Variants in TMBIM6 observed in about 807,000 individuals in gnomAD.
TMBIM6 encodes transmembrane BAX inhibitor motif containing 6.
Under a neutral mutation model 31.4 loss-of-function variants are expected in TMBIM6, and 13 were observed. The observed-to-expected ratio is 0.41, with a 90% CI of 0.27 to 0.66. The LOEUF (loss-of-function observed/expected upper bound fraction) is 0.66. Ranked by LOEUF, TMBIM6 falls within the 30% of genes least tolerant of loss-of-function variation. TMBIM6 has a pLI of 0.28. For missense variants in TMBIM6, 275 were observed against 289.5 expected, an observed-to-expected ratio of 0.95 and a Z score of 0.36; for synonymous variants, 85 against 101.7, an observed-to-expected ratio of 0.84 and a Z score of 0.99.
At chr12:49,758,360 C>G in intron 5 of TMBIM6, 23 bp from the exon 6 acceptor site, 1 of 1,613,966 alleles carries the variant, frequency 6.2e-7, no homozygotes, top group Non-Finnish European at 8.5e-7. Flanking sequence ...AGCCCTTAAT[C>G]TAATGGTCTT....
At chr12:49,750,772 G>A (rs1592724369) in intron 1 of TMBIM6, 1 of 152,228 alleles carries the variant, frequency 6.6e-6, no homozygotes, top group East Asian at 1.9e-4. Flanking sequence ...CATTGTGATT[G>A]TTTCATTTGT....
intron 1 of TMBIM6, chr12:49,744,319 A>G (rs986618462): frequency 1.3e-5 from 2 of 152,154 alleles, no homozygotes; most frequent in Non-Finnish European, 1.5e-5. Context: ...GAATATTCTG[A>G]TGCTCTAACT....
At position 49,761,707 on chromosome 12, in the gene TMBIM6, C is replaced by T. The variant is rs1342204188; in HGVS notation, c.618C>T (p.His206=). ...AEHGDQDYIW[H]CIDLFLDFIT... ...TAATCTGGTTCTTGCCTTTCAGGCACTGCATTGATCTCTTCTTAGATTTCA... is the reference window on the plus strand; with the variant it reads ...TAATCTGGTTCTTGCCTTTCAGGCATTGCATTGATCTCTTCTTAGATTTCA... Residue 206 remains histidine, a synonymous_variant, in exon 9 of 10, where the codon CAC becomes CAT. Transcript: ENST00000267115. The T allele has an allele frequency of 8.1e-6, 13 of 1,613,952 alleles. No homozygotes were observed. Among genetic ancestry groups the T allele is most frequent in the Non-Finnish European group, 1.0e-5 (12 of 1,179,980 alleles).
intron 3 of TMBIM6, among the ~76,000 whole-genome samples, chr12:49,753,348 C>T (rs774026340): frequency 3.3e-5 from 5 of 152,170 alleles, no homozygotes; most frequent in Non-Finnish European, 7.3e-5. Context: ...ACTGAGTAGG[C>T]GCATGGCATG....
chr12:49,742,237 C>T (rs1945310154), intron 1 of TMBIM6: 1 of 1,612,524 alleles, frequency 6.2e-7, no homozygotes, highest in South Asian at 1.1e-5. Context: ...CTTCCAGGCC[C>T]ACGGGGCGGC....
At chr12:49,742,064 G>T in intron 1 of TMBIM6, 4 of 1,557,030 alleles carry the variant, frequency 2.6e-6, no homozygotes, top group Non-Finnish European at 3.5e-6. Flanking sequence ...GCTGCGGGCG[G>T]GTCCTTTGGT....
intron 4 of TMBIM6, among the ~76,000 whole-genome samples, chr12:49,756,228 C>T (rs956988939): frequency 2.0e-5 from 3 of 152,010 alleles, no homozygotes; most frequent in Non-Finnish European, 4.4e-5. Flanking sequence ...CTCTGCCTTC[C>T]GGGTTCAAGC....
At position 49,761,723 on chromosome 12, in the gene TMBIM6, T is replaced by C. The variant is rs1242840597; in HGVS notation, c.634T>C (p.Leu212=). The C allele has an allele frequency of 1.2e-6, 2 of 1,614,264 alleles. No homozygotes were observed. Among genetic ancestry groups the C allele is most frequent in the Non-Finnish European group, 8.5e-7 (1 of 1,180,040 alleles). ...TTTCAGGCACTGCATTGATCTCTTCTTAGATTTCATTACTGTCTTCAGAAA... is the reference window on the plus strand; with the variant it reads ...TTTCAGGCACTGCATTGATCTCTTCCTAGATTTCATTACTGTCTTCAGAAA... ...DYIWHCIDLF[L]DFITVFRKLM... is the part of the protein sequence containing the mutation. Residue 212 remains leucine, a synonymous_variant, in exon 9 of 10, where the codon TTA becomes CTA. Transcript: ENST00000267115.
chr12:49,752,063 C>T (rs1210213863), intron 1 of TMBIM6, among the ~76,000 whole-genome samples: 1 of 152,144 alleles, frequency 6.6e-6, no homozygotes, highest in African/African-American at 2.4e-5. Context: ...CCACTATGCC[C>T]AGCCAAGGGA....
chr12:49,753,124 A>G, intron 3 of TMBIM6, 43 bp downstream of exon 3: 1 of 1,565,782 alleles, frequency 6.4e-7, no homozygotes, highest in Non-Finnish European at 8.8e-7. Context: ...TACAAATTAC[A>G]TTAGGAAAAA....
Position 49,763,045 on chromosome 12 carries a change from G to A in TMBIM6, c.*149G>A, listed in dbSNP as rs1165908553. The A allele has an allele frequency of 3.3e-6, 3 of 904,078 alleles. No individual in the cohort carries two copies. The African/African-American group carries it at 5.0e-5, about 15-fold the overall frequency. 56.0% of individuals were successfully genotyped at this position (904,078 alleles called of 1,614,324 possible). A position where few individuals can be genotyped will look rare whatever the true frequency, so the allele number is the denominator to read the frequency against. ...TGGTTTCCTCTATTTTGAATTTTTT[G>A]ATCAAAAAACTGATTAGCAGAATAT... On this transcript the variant is annotated 3_prime_UTR_variant, in exon 10 of 10. Coordinates refer to ENST00000267115, the MANE Select transcript of TMBIM6 (RefSeq NM_003217.3).
At chr12:49,755,787 G>A (rs1945578817) in intron 4 of TMBIM6, 32 bp downstream of exon 4, 1 of 1,601,212 alleles carries the variant, frequency 6.2e-7, no homozygotes, top group Non-Finnish European at 8.5e-7. Context: ...ATTTTGAGGG[G>A]TGAGCTATAT....
intron 1 of TMBIM6, among the ~76,000 whole-genome samples, chr12:49,747,202 T>C (rs1011495282): frequency 5.9e-5 from 9 of 152,152 alleles, no homozygotes; most frequent in Non-Finnish European, 1.0e-4. Context: ...CTTCTAGATA[T>C]GTGGGAACAA....
intron 1 of TMBIM6, chr12:49,742,231 C>T (rs758903414): frequency 5.6e-6 from 9 of 1,612,930 alleles, no homozygotes; most frequent in Admixed American, 1.7e-5. Context: ...GGCTGCCTTC[C>T]AGGCCCACGG....
intron 8 of TMBIM6, among the ~76,000 whole-genome samples, chr12:49,760,398 G>A (rs1449678417): frequency 1.3e-5 from 2 of 151,876 alleles, no homozygotes; most frequent in South Asian, 2.1e-4. Context: ...CAACAGGCAC[G>A]TGCGACCATG....
At chr12:49,762,732 C>A (rs1459307166) in intron 9 of TMBIM6, 141 bp from the exon 10 acceptor site, 8 of 812,036 alleles carry the variant, frequency 9.9e-6, no homozygotes, top group Non-Finnish European at 1.6e-5. Flanking sequence ...AGATTCAGTT[C>A]TTGCTGAGCT....
At chr12:49,754,003 A>C (rs1040502746) in intron 3 of TMBIM6, among the ~76,000 whole-genome samples, 2 of 152,008 alleles carry the variant, frequency 1.3e-5, no homozygotes, top group African/African-American at 4.8e-5. Flanking sequence ...GTGGTGAAAA[A>C]GTTGAGTCAC....
At chr12:49,756,505 G>A (rs1326733332) in intron 4 of TMBIM6, among the ~76,000 whole-genome samples, 2 of 144,752 alleles carry the variant, frequency 1.4e-5, no homozygotes, top group African/African-American at 2.6e-5. Context: ...GTGCAGTGGC[G>A]AGATCTCAGC....
At chr12:49,747,436 G>T (rs1043029697) in intron 1 of TMBIM6, among the ~76,000 whole-genome samples, 28 of 151,840 alleles carry the variant, frequency 1.8e-4, no homozygotes, top group South Asian at 1.7e-3. Context: ...AGCCTCCCAA[G>T]TAGTTGGGAC....
Sources: gnomAD v4.1 joint callset for allele counts (sites outside exome capture counted in the v4.1 genomes callset) on GRCh38, gnomAD v4.1.1 for gene constraint, MANE v1.5 for transcripts, NCBI Gene and HGNC (gene_info 2026-07-23, HGNC 2026-07-21) for gene names.